The following CHD7 variants were observed in gnomAD, a reference collection of about 807,000 sequenced individuals.
CHD7 encodes ATP-dependent chromatin remodeler CHD7.
In CHD7, 24 loss-of-function variants were observed where a neutral mutation model predicts 307.3. The ratio of observed to expected loss-of-function variants is 0.08; its 90% CI spans 0.06 to 0.11. The LOEUF is 0.11. Ranked by LOEUF, CHD7 falls within the 10% of genes least tolerant of loss-of-function variation. The pLI, the probability that CHD7 is intolerant of heterozygous loss-of-function variation, is 1.00. For synonymous variants in CHD7, 1,363 were observed against 1,349.9 expected, an observed-to-expected ratio of 1.01 and a Z score of -0.21; for missense variants, 3,106 against 3,727.1, an observed-to-expected ratio of 0.83 and a Z score of 4.34.
chr8:60,852,859 C>T lies in CHD7; in HGVS notation c.6134C>T (p.Pro2045Leu), dbSNP rs1391407915. 3.1e-6 allele frequency: 5 copies of T among 1,613,356 alleles called. No individual in the cohort carries two copies. The highest frequency in any genetic ancestry group is 1.1e-5 in the South Asian group (1 of 91,078). Residue 2045 changes from proline (P) to leucine (L), a missense_variant, in exon 31 of 38, where the codon CCG (proline) becomes CTG (leucine). Physicochemically the swap from Pro to Leu is moderately conservative, Grantham distance 98. This residue lies in a region of CHD7 where 1,030 missense variants were observed against 1,165.4 expected (regional missense o/e 0.88). Coordinates refer to ENST00000423902, the MANE Select transcript of CHD7 (RefSeq NM_017780.4). The stretch of plus-strand genomic sequence containing the variant: ...CCCGACCTCTCCTCCATAATTGAGC[C>T]GATCACAGAGGAGCGAGCCTCTCGA... ...EPPDLSSIIEPITEERASRTL... is the reference protein window; with the variant it reads ...EPPDLSSIIELITEERASRTL...
chr8:60,737,387 CATTT>C (rs1808763937), intron 1 of CHD7, among the ~76,000 whole-genome samples: 1 of 152,136 alleles, frequency 6.6e-6, no homozygotes, highest in Non-Finnish European at 1.5e-5. Context: ...TTCATTCATT[CATTT>C]CTTTCATCTT....
intron 17 of CHD7, among the ~76,000 whole-genome samples, chr8:60,837,320 T>C (rs1804784485): frequency 6.6e-6 from 1 of 152,140 alleles, no homozygotes; most frequent in South Asian, 2.1e-4. Context: ...ATACCATAAA[T>C]TGGGTGGCTT....
chr8:60,679,367 C>CGGCGGG (rs1295930493), intron 1 of CHD7, among the ~76,000 whole-genome samples: 1 of 123,148 alleles, frequency 8.1e-6, no homozygotes, highest in Non-Finnish European at 1.6e-5. Flanking sequence ...GGGCCGGCGG[C>CGGCGGG]GGCGGGGGCG....
intron 2 of CHD7, among the ~76,000 whole-genome samples, chr8:60,776,999 G>T (rs1392971694): frequency 6.6e-6 from 1 of 152,158 alleles, no homozygotes; most frequent in Non-Finnish European, 1.5e-5. Context: ...TGTTCTAAAA[G>T]CTTGTATTTA....
intron 1 of CHD7, among the ~76,000 whole-genome samples, chr8:60,731,600 G>A (rs1480858610): frequency 2.0e-5 from 3 of 152,144 alleles, no homozygotes; most frequent in Non-Finnish European, 4.4e-5. Context: ...GTGAAATATT[G>A]GATATGCAAC....
intron 19 of CHD7, among the ~76,000 whole-genome samples, chr8:60,839,118 A>G (rs1804861510): frequency 6.6e-6 from 1 of 152,226 alleles, no homozygotes; most frequent in African/African-American, 2.4e-5. Context: ...TCTGGAAAGC[A>G]TGAATCTACT....
chr8:60,784,989 C>G lies in CHD7; in HGVS notation c.2096+3559C>G, dbSNP rs137996153. 2.0e-5 allele frequency among the ~76,000 whole-genome samples: 3 copies of G among 152,124 alleles called. No homozygotes were observed. The East Asian group carries it at 5.8e-4, about 29-fold the overall frequency. On this transcript the variant is annotated intron_variant, in intron 3 of 37. Coordinates refer to ENST00000423902, the MANE Select transcript of CHD7 (RefSeq NM_017780.4). ...CCTTACAGCTTTCAAATATTCGTTG[C>G]TAATATTGAAAATAACAGCGAAAAC...
chr8:60,857,641 T>A (rs961776743), intron 34 of CHD7, among the ~76,000 whole-genome samples: 10 of 152,126 alleles, frequency 6.6e-5, no homozygotes, highest in Admixed American at 1.3e-4. Context: ...CTTGTCTGTG[T>A]TGTGAGGAGT....
intron 17 of CHD7, among the ~76,000 whole-genome samples, chr8:60,837,363 A>G (rs766115207): frequency 1.2e-4 from 18 of 152,190 alleles, no homozygotes; most frequent in Non-Finnish European, 2.4e-4. Flanking sequence ...ACAGTTCTGG[A>G]GGTTGGAAGT....
intron 24 of CHD7, 41 bp from the exon 25 acceptor site, chr8:60,849,010 C>CT (rs1563655769): frequency 1.4e-6 from 2 of 1,479,934 alleles, no homozygotes; most frequent in African/African-American, 2.8e-5. Context: ...ACTTGGAATT[C>CT]TTTTTTAATA....
chr8:60,819,341 AAT>A (rs1047889977), intron 8 of CHD7, among the ~76,000 whole-genome samples: 1 of 152,132 alleles, frequency 6.6e-6, no homozygotes, highest in African/African-American at 2.4e-5. Flanking sequence ...AAGATTGTTT[AAT>A]ATATTGGTTA....
intron 1 of CHD7, among the ~76,000 whole-genome samples, chr8:60,720,528 CCTT>C (rs1807845512): frequency 6.6e-6 from 1 of 152,124 alleles, no homozygotes; most frequent in Non-Finnish European, 1.5e-5. Context: ...GTGTTTTTGG[CCTT>C]CTTCGTTTCC....
chr8:60,736,201 C>G (rs543562435), intron 1 of CHD7, among the ~76,000 whole-genome samples: 1 of 152,242 alleles, frequency 6.6e-6, no homozygotes, highest in African/African-American at 2.4e-5. Flanking sequence ...GATTCTTTAT[C>G]CAGGTTCTTG....
At position 60,843,834 on chromosome 8, in the gene CHD7, C is replaced by G. The variant is rs528434009; in HGVS notation, c.4851-1030C>G. Among the ~76,000 whole-genome samples the G allele has an allele frequency of 2.0e-5, 3 of 152,198 alleles. No individual in the cohort carries two copies. The South Asian group carries it at 6.2e-4, about 32-fold the overall frequency. ...TGGGTAGGGAAGGGAAGTGAGGTAC[C>G]GGCAGATAGAGCAGTGTGTTCCAAG... On this transcript the variant is annotated intron_variant, in intron 21 of 37. Coordinates refer to ENST00000423902, the MANE Select transcript of CHD7 (RefSeq NM_017780.4).
At chr8:60,780,948 C>A in intron 2 of CHD7, 52 bp from the exon 3 acceptor site, 1 of 1,445,084 alleles carries the variant, frequency 6.9e-7, no homozygotes, top group South Asian at 1.7e-5. Flanking sequence ...CAGTTCTTTT[C>A]TTTACTGTGA....
rs1476487723 is a variant in CHD7 at position 60,862,226 on chromosome 8, C to G, written c.7861C>G (p.Gln2621Glu). 6.2e-7 allele frequency: 1 copy of G among 1,611,070 alleles called. No homozygotes were observed. ...TGCAGATGTGCTGTTTTCCTCATTT[C>G]AGAAACCGAAACAGAAACGACATAG... ...KNADVLFSSF[Q>E]KPKQKRHRCR... Residue 2621 changes from glutamine (Q) to glutamate (E), a missense_variant, in exon 36 of 38, where the codon CAG becomes GAG. Coordinates refer to ENST00000423902, the MANE Select transcript of CHD7 (RefSeq NM_017780.4).
rs769675553 is a variant in CHD7, at chr8:60,844,892, C to T, written c.4879C>T (p.His1627Tyr). The T allele has an allele frequency of 4.4e-6, 7 of 1,607,032 alleles. No individual in the cohort carries two copies. Among genetic ancestry groups the T allele is most frequent in the African/African-American group, 1.3e-5 (1 of 74,774 alleles). Reference sequence around the variant, plus strand: ...GGGACGGTGGACAGACATTCTTTCCCACGGACGCTATAAACGCCAACTCAC... The same window carrying T: ...GGGACGGTGGACAGACATTCTTTCCTACGGACGCTATAAACGCCAACTCAC... ...GWGRWTDILS[H>Y]GRYKRQLTEQ... The change falls in exon 22 of 38, where the codon CAC becomes TAC. Residue 1627 changes from histidine (H) to tyrosine (Y), a missense_variant. Physicochemically the swap from His to Tyr is moderately conservative, Grantham distance 83. Coordinates refer to ENST00000423902, the MANE Select transcript of CHD7 (RefSeq NM_017780.4).
chr8:60,809,097 C>T (rs980228700), intron 7 of CHD7, among the ~76,000 whole-genome samples: 2 of 152,028 alleles, frequency 1.3e-5, no homozygotes, highest in African/African-American at 4.8e-5. Flanking sequence ...GAAAATTTAC[C>T]CCACCCTAGA....
chr8:60,767,010 C>T (rs1251318844), intron 2 of CHD7, among the ~76,000 whole-genome samples: 2 of 152,126 alleles, frequency 1.3e-5, no homozygotes, highest in African/African-American at 4.8e-5. Context: ...GAGAAGTTGA[C>T]GAGAACCAGG....
Sources: allele counts gnomAD v4.1 joint callset (sites outside exome capture counted in the v4.1 genomes callset), GRCh38; gene constraint gnomAD v4.1.1; regional missense constraint gnomAD v4.1.1; transcripts MANE v1.5; gene names NCBI Gene and HGNC (gene_info 2026-07-23, HGNC 2026-07-21).